PDE1C: variants seen among roughly 807,000 people sequenced by gnomAD.
The protein encoded by PDE1C is phosphodiesterase 1C.
Under a neutral mutation model 93.1 loss-of-function variants are expected in PDE1C, and 62 were observed. The ratio of observed to expected loss-of-function variants is 0.67; its 90% CI spans 0.54 to 0.82. PDE1C has a LOEUF of 0.82. Among genes scored for constraint, PDE1C ranks in the 40% least tolerant of loss-of-function variants. The pLI is 0.00. For missense variants in PDE1C, 742 were observed against 884.6 expected (o/e 0.84, Z 2.04); for synonymous variants, 325 against 310.1 (o/e 1.05, Z -0.50).
the PDE1C span, chr7:31,642,248 T>G: frequency 1.2e-5 from 19 of 1,552,186 alleles, no homozygotes; most frequent in African/African-American, 2.2e-4. Flanking sequence ...CTGGAACCGC[T>G]GCCCCTCCAG....
intron 6 of PDE1C, among the ~76,000 whole-genome samples, chr7:31,872,663 C>T (rs1396684685): frequency 6.6e-6 from 1 of 152,066 alleles, no homozygotes; most frequent in Non-Finnish European, 1.5e-5. Context: ...GTCAGAGGAG[C>T]TTGATACCAT....
At chr7:31,892,831 T>C (rs186570908) in intron 2 of PDE1C, among the ~76,000 whole-genome samples, 307 of 152,300 alleles carry the variant, frequency 2.0e-3, no homozygotes, top group African/African-American at 7.0e-3. Flanking sequence ...GAATAAGTTC[T>C]GGTAATCTGT....
chr7:31,724,591 C>T, the PDE1C span, among the ~76,000 whole-genome samples: 1 of 152,284 alleles, frequency 6.6e-6, no homozygotes, highest in South Asian at 2.1e-4. Flanking sequence ...GCCCAGTGCC[C>T]CACAGCCCAG....
chr7:32,185,066 G>A (rs931778971), intron 2 of PDE1C, among the ~76,000 whole-genome samples: 5 of 151,442 alleles, frequency 3.3e-5, no homozygotes, highest in Non-Finnish European at 7.4e-5. Context: ...AGTCGAGATC[G>A]CACCATTGCA....
intron 2 of PDE1C, among the ~76,000 whole-genome samples, chr7:31,963,922 A>C (rs1476181808): frequency 6.6e-6 from 1 of 152,264 alleles, no homozygotes; most frequent in Non-Finnish European, 1.5e-5. Context: ...AGTAAATACT[A>C]AATCATGAAG....
intron 2 of PDE1C, among the ~76,000 whole-genome samples, chr7:31,926,183 T>C (rs1476678672): frequency 6.6e-6 from 1 of 152,178 alleles, no homozygotes; most frequent in Non-Finnish European, 1.5e-5. Flanking sequence ...TGCCTGGTAT[T>C]CATGTATTTT....
the PDE1C span, among the ~76,000 whole-genome samples, chr7:31,674,045 C>G: frequency 2.0e-4 from 31 of 152,178 alleles, no homozygotes; most frequent in Non-Finnish European, 4.0e-4. Flanking sequence ...TTGCACAAAT[C>G]TTAAATGAAC....
Position 32,050,092 on chromosome 7 carries a change from T to C in PDE1C, c.128+1462A>G, listed in dbSNP as rs1793148983. Among the ~76,000 whole-genome samples, 4 of 152,174 alleles carry C rather than the reference T, an allele frequency of 2.6e-5. No individual in the cohort carries two copies. The South Asian group carries it at 8.3e-4, about 32-fold the overall frequency. On this transcript the variant is annotated intron_variant, in intron 2 of 17. Transcript: ENST00000396191. ...AAGTATGTGGGTATCTAAACATATC[T>C]AAACATAGAAAAGCTAATGCATTGT...
chr7:31,789,536 C>T (rs1402703564), intron 16 of PDE1C: 1 of 521,620 alleles, frequency 1.9e-6, no homozygotes, highest in Non-Finnish European at 2.5e-6. Context: ...ACCAGCTGAA[C>T]ATTCAGGTTT....
chr7:31,938,847 C>G (rs1448619890), intron 2 of PDE1C, among the ~76,000 whole-genome samples: 1 of 152,128 alleles, frequency 6.6e-6, no homozygotes, highest in African/African-American at 2.4e-5. Context: ...ATAACTGACA[C>G]TTGCATGTCT....
intron 1 of PDE1C, among the ~76,000 whole-genome samples, chr7:32,368,504 A>C (rs1296454600): frequency 1.3e-5 from 2 of 152,186 alleles, no homozygotes; most frequent in Non-Finnish European, 2.9e-5. Flanking sequence ...AAATTAAAGA[A>C]GATAAAAACA....
chr7:31,676,223 T>C, the PDE1C span, among the ~76,000 whole-genome samples: 499 of 152,280 alleles, frequency 3.3e-3, 5 homozygotes, highest in African/African-American at 0.012. Flanking sequence ...GAGTGTAAGA[T>C]GTACCCAGCA....
At chr7:32,326,361 A>G (rs1221564878) in intron 1 of PDE1C, among the ~76,000 whole-genome samples, 1 of 152,190 alleles carries the variant, frequency 6.6e-6, no homozygotes, top group Non-Finnish European at 1.5e-5. Flanking sequence ...GAATGAGATA[A>G]CCAAGGGAAT....
At chr7:32,089,314 A>C (rs1187789183) in intron 3 of PDE1C, among the ~76,000 whole-genome samples, 1 of 152,204 alleles carries the variant, frequency 6.6e-6, no homozygotes. Context: ...TAGGTAGTAG[A>C]AGTGGATTTG....
intron 1 of PDE1C, among the ~76,000 whole-genome samples, chr7:32,059,637 T>C (rs1794560847): frequency 6.6e-6 from 1 of 152,132 alleles, no homozygotes; most frequent in South Asian, 2.1e-4. Flanking sequence ...TAAGAAGCCC[T>C]AAATGGGACC....
chr7:32,322,866 C>A (rs1176992840), intron 1 of PDE1C, among the ~76,000 whole-genome samples: 1 of 152,130 alleles, frequency 6.6e-6, no homozygotes, highest in Non-Finnish European at 1.5e-5. Flanking sequence ...CCCTCCTTGG[C>A]CTCCCAAAGT....
At chr7:32,127,000 A>T (rs1324518459) in intron 3 of PDE1C, among the ~76,000 whole-genome samples, 1 of 152,162 alleles carries the variant, frequency 6.6e-6, no homozygotes, top group Non-Finnish European at 1.5e-5. Flanking sequence ...TGGTAGACTG[A>T]AAAAAGCAGG....
chr7:31,822,299 C>A (rs1190543745), intron 14 of PDE1C, among the ~76,000 whole-genome samples: 3 of 152,046 alleles, frequency 2.0e-5, no homozygotes, highest in Non-Finnish European at 2.9e-5. Flanking sequence ...TTGTCCCTAC[C>A]TGGAATCAGA....
intron 1 of PDE1C, among the ~76,000 whole-genome samples, chr7:32,240,685 C>T (rs146001659): frequency 6.6e-6 from 1 of 152,036 alleles, no homozygotes; most frequent in Non-Finnish European, 1.5e-5. Flanking sequence ...AGGAACAAGA[C>T]AAGATGGGGT....
Sources: allele counts gnomAD v4.1 joint callset (sites outside exome capture counted in the v4.1 genomes callset), GRCh38; gene constraint gnomAD v4.1.1; transcripts MANE v1.5; gene names NCBI Gene and HGNC (gene_info 2026-07-23, HGNC 2026-07-21).